The following MARCHF4 variants were observed in gnomAD, a reference collection of about 807,000 sequenced individuals.
MARCHF4 encodes E3 ubiquitin-protein ligase MARCHF4.
In MARCHF4, 14 loss-of-function variants were observed where a neutral mutation model predicts 43.9. The ratio of observed to expected loss-of-function variants is 0.32; its 90% CI spans 0.21 to 0.50. The LOEUF (loss-of-function observed/expected upper bound fraction) is 0.50. MARCHF4 is among the 20% of genes least tolerant of loss of function. The probability of loss-of-function intolerance (pLI) is 0.98; values close to 1 mark genes in which losing one functional copy is unlikely to be tolerated. For missense variants in MARCHF4, 468 were observed against 536.7 expected (o/e 0.87, Z 1.27); for synonymous variants, 226 against 213.3 (o/e 1.06, Z -0.52).
At chr2:216,343,848 C>T (rs6756590) in intron 1 of MARCHF4, among the ~76,000 whole-genome samples, 79,767 of 151,990 alleles carry the variant, frequency 0.52, 21,826 homozygotes, top group East Asian at 0.78. Context: ...AAACTAGAGG[C>T]CAGAAGAGTA....
At chr2:216,262,146 T>A (rs1690751679) in intron 3 of MARCHF4, among the ~76,000 whole-genome samples, 1 of 152,264 alleles carries the variant, frequency 6.6e-6, no homozygotes, top group East Asian at 1.9e-4. Flanking sequence ...TGTTAAAGAT[T>A]TGTGGAGAGA....
intron 1 of MARCHF4, among the ~76,000 whole-genome samples, chr2:216,306,528 A>G (rs964314352): frequency 3.3e-5 from 5 of 152,224 alleles, no homozygotes; most frequent in African/African-American, 1.2e-4. Flanking sequence ...ATTTTAATAA[A>G]CCATACATTT....
intron 1 of MARCHF4, among the ~76,000 whole-genome samples, chr2:216,353,899 C>T (rs1408441834): frequency 6.6e-6 from 1 of 152,180 alleles, no homozygotes; most frequent in Non-Finnish European, 1.5e-5. Flanking sequence ...TCTTCCCTCC[C>T]ACCATAGAAA....
At chr2:216,316,533 T>C (rs1691779524) in intron 1 of MARCHF4, among the ~76,000 whole-genome samples, 8 of 151,960 alleles carry the variant, frequency 5.3e-5, no homozygotes, top group Admixed American at 3.3e-4. Context: ...AGAAATGAAA[T>C]AGGTCCACAG....
chr2:216,363,379 C>T (rs1005817376), intron 1 of MARCHF4, among the ~76,000 whole-genome samples: 1 of 152,148 alleles, frequency 6.6e-6, no homozygotes, highest in East Asian at 1.9e-4. Flanking sequence ...CAGTTCTGCC[C>T]GTGAAAGTGA....
intron 3 of MARCHF4, among the ~76,000 whole-genome samples, chr2:216,266,827 T>C (rs1020566218): frequency 2.0e-5 from 3 of 152,202 alleles, no homozygotes; most frequent in African/African-American, 7.2e-5. Context: ...AAAGGCCAGG[T>C]TGACAACATC....
At chr2:216,263,179 C>A (rs529914533) in intron 3 of MARCHF4, among the ~76,000 whole-genome samples, 2 of 152,330 alleles carry the variant, frequency 1.3e-5, no homozygotes, top group Non-Finnish European at 1.5e-5. Flanking sequence ...GAAATCCCAG[C>A]ACTTTGGGAG....
At chr2:216,280,571 G>A (rs1380323814) in intron 2 of MARCHF4, among the ~76,000 whole-genome samples, 1 of 152,094 alleles carries the variant, frequency 6.6e-6, no homozygotes, top group Non-Finnish European at 1.5e-5. Flanking sequence ...TGCTTTGAAG[G>A]GCATTCTTAA....
At chr2:216,309,115 T>C (rs1311005047) in intron 1 of MARCHF4, among the ~76,000 whole-genome samples, 3 of 152,238 alleles carry the variant, frequency 2.0e-5, no homozygotes, top group Non-Finnish European at 4.4e-5. Flanking sequence ...GAATTGATTC[T>C]AGTGGCAACA....
rs76819941 is a variant in MARCHF4, at chr2:216,354,212, G to A, written c.516+15533C>T. 1.8e-3 allele frequency among the ~76,000 whole-genome samples: 270 copies of A among 152,336 alleles called. 2 individuals carry two copies. The highest frequency in any genetic ancestry group is 0.014 in the Middle Eastern group (4 of 294). On this transcript the variant is annotated intron_variant, in intron 1 of 3. Transcript: ENST00000273067. Reference sequence around the variant, plus strand: ...CCCGCATTCTGGGTCTTAAAGCACAGAGGGCAATTTGAAATGCGGTGAGAG... The same window carrying A: ...CCCGCATTCTGGGTCTTAAAGCACAAAGGGCAATTTGAAATGCGGTGAGAG...
Position 216,357,644 on chromosome 2 carries a change from T to C in MARCHF4, c.516+12101A>G, listed in dbSNP as rs533883099. ...CCTTCATTCTATATCTTTCGTGATG[T>C]TGAGACTTTGGAAAGTACTGGCCAG... On this transcript the variant is annotated intron_variant, in intron 1 of 3. Transcript: ENST00000273067. Among the ~76,000 whole-genome samples the C allele has an allele frequency of 3.3e-5, 5 of 152,374 alleles. No individual in the cohort carries two copies. The South Asian group carries it at 8.3e-4, about 25-fold the overall frequency.
intron 1 of MARCHF4, among the ~76,000 whole-genome samples, chr2:216,351,091 C>T (rs1692398338): frequency 6.6e-6 from 1 of 152,090 alleles, no homozygotes; most frequent in Non-Finnish European, 1.5e-5. Context: ...CTGAAGGACC[C>T]TATTATATTT....
intron 1 of MARCHF4, among the ~76,000 whole-genome samples, chr2:216,354,989 T>TCTTTCTTTCTTTCTTTTTC (rs1692477983): frequency 6.7e-6 from 1 of 148,746 alleles, no homozygotes; most frequent in African/African-American, 2.5e-5. Flanking sequence ...CTTTCTTTTT[T>TCTTTCTTTCTTTCTTTTTC]GAGACAGAGT....
At chr2:216,277,272 A>G (rs1213612875) in intron 3 of MARCHF4, among the ~76,000 whole-genome samples, 1 of 152,186 alleles carries the variant, frequency 6.6e-6, no homozygotes, top group Non-Finnish European at 1.5e-5. Flanking sequence ...GGCTGTCTCT[A>G]GGTAGTTTGC....
chr2:216,317,948 A>G (rs1359894398), intron 1 of MARCHF4: 2 of 152,242 alleles, frequency 1.3e-5, no homozygotes, highest in African/African-American at 2.4e-5. Context: ...TAAAGGGAGT[A>G]GGTGTGAAGA....
At chr2:216,274,732 A>G (rs1037077014) in intron 3 of MARCHF4, among the ~76,000 whole-genome samples, 1 of 152,144 alleles carries the variant, frequency 6.6e-6, no homozygotes, top group African/African-American at 2.4e-5. Flanking sequence ...AGCCTTTCCT[A>G]TGAAAACCCT....
chr2:216,278,563 T>A (rs1559087998), intron 2 of MARCHF4, among the ~76,000 whole-genome samples: 1 of 152,186 alleles, frequency 6.6e-6, no homozygotes, highest in Non-Finnish European at 1.5e-5. Flanking sequence ...CACAGTCTAT[T>A]TTCTCACTAA....
intron 3 of MARCHF4, among the ~76,000 whole-genome samples, chr2:216,277,172 G>A (rs1233271282): frequency 6.6e-6 from 1 of 152,090 alleles, no homozygotes; most frequent in African/African-American, 2.4e-5. Context: ...ACACAAAGCT[G>A]GAAAACCACT....
chr2:216,289,235 C>CG (rs939876819), intron 1 of MARCHF4, among the ~76,000 whole-genome samples: 56 of 118,410 alleles, frequency 4.7e-4, no homozygotes, highest in African/African-American at 1.6e-3. Context: ...TCTTCCCCAC[C>CG]CGCCCCCCAC....
Sources: allele counts gnomAD v4.1 joint callset (sites outside exome capture counted in the v4.1 genomes callset), GRCh38; gene constraint gnomAD v4.1.1; transcripts MANE v1.5; gene names NCBI Gene and HGNC (gene_info 2026-07-23, HGNC 2026-07-21).